NIPBL: variants seen among roughly 807,000 people sequenced by gnomAD.
The protein encoded by NIPBL is NIPBL cohesin loading factor.
A neutral mutation model predicts 321.8 loss-of-function variants in NIPBL; 19 were observed. The observed-to-expected ratio is 0.06, with a 90% CI of 0.04 to 0.09. The LOEUF is 0.09. NIPBL is among the 10% of genes least tolerant of loss of function. NIPBL has a pLI of 1.00. For synonymous variants in NIPBL, 1,106 were observed against 1,114.1 expected (o/e 0.99, Z 0.14); for missense variants, 2,210 against 3,327.0 (o/e 0.66, Z 8.26).
At chr5:37,013,002 T>A (rs1408925749) in intron 21 of NIPBL, among the ~76,000 whole-genome samples, 2 of 151,752 alleles carry the variant, frequency 1.3e-5, no homozygotes, top group African/African-American at 4.8e-5. Context: ...GACGGGGTGG[T>A]GGCCGGGCAG....
At chr5:36,943,478 C>CTAT in intron 1 of NIPBL, among the ~76,000 whole-genome samples, 1 of 151,910 alleles carries the variant, frequency 6.6e-6, no homozygotes, top group East Asian at 1.9e-4. Context: ...AGATTGAATG[C>CTAT]TATATCTATC....
chr5:36,936,849 A>G (rs1163453963), intron 1 of NIPBL, among the ~76,000 whole-genome samples: 1 of 152,116 alleles, frequency 6.6e-6, no homozygotes, highest in Non-Finnish European at 1.5e-5. Flanking sequence ...AAATGGAAAA[A>G]AAAAAAAGTA....
intron 18 of NIPBL, 119 bp from the exon 19 acceptor site, chr5:37,007,889 A>G (rs1322881530): frequency 6.9e-6 from 5 of 721,262 alleles, no homozygotes; most frequent in African/African-American, 3.5e-5. Context: ...GGTGGGGAAA[A>G]GAAAAAATGC....
intron 5 of NIPBL, 78 bp from the exon 6 acceptor site, chr5:36,962,045 T>A: frequency 6.6e-7 from 1 of 1,526,606 alleles, no homozygotes; most frequent in Admixed American, 1.7e-5. Context: ...ATCAGAGGAC[T>A]TTGTGACAGT....
chr5:36,940,196 T>G (rs1241918138), intron 1 of NIPBL, among the ~76,000 whole-genome samples: 2 of 152,166 alleles, frequency 1.3e-5, no homozygotes, highest in Non-Finnish European at 1.5e-5. Context: ...TAATTTCAGG[T>G]TAATATTTTT....
At chr5:37,058,715 T>A (rs1243547993) in intron 43 of NIPBL, among the ~76,000 whole-genome samples, 176 bp from the exon 44 acceptor site, 1 of 152,220 alleles carries the variant, frequency 6.6e-6, no homozygotes, top group East Asian at 1.9e-4. Context: ...TTATATATAA[T>A]TTTATTTAGT....
intron 1 of NIPBL, among the ~76,000 whole-genome samples, chr5:36,926,398 C>G (rs1749364325): frequency 2.0e-5 from 3 of 152,118 alleles, no homozygotes; most frequent in Admixed American, 2.0e-4. Context: ...CAGAATAGTT[C>G]CAGATGGCTT....
At chr5:36,959,895 AT>A (rs902249976) in intron 4 of NIPBL, among the ~76,000 whole-genome samples, 129 of 148,134 alleles carry the variant, frequency 8.7e-4, no homozygotes, top group Middle Eastern at 3.4e-3. Context: ...ATTGCATGTT[AT>A]TTTTTTTTTT....
Position 36,931,640 on chromosome 5 carries a change from T to A in NIPBL, c.-79-21978T>A, listed in dbSNP as rs531273775. On this transcript the variant is annotated intron_variant, in intron 1 of 46. Coordinates refer to ENST00000282516, the MANE Select transcript of NIPBL (RefSeq NM_133433.4). ...CCTTCCCTTTTAATTTCTAAAGTATTGGTAGTGATTTCCTCTCCTTCATTT... is the reference window on the plus strand; with the variant it reads ...CCTTCCCTTTTAATTTCTAAAGTATAGGTAGTGATTTCCTCTCCTTCATTT... Among the ~76,000 whole-genome samples the A allele has an allele frequency of 4.6e-5, 7 of 152,278 alleles. No individual in the cohort carries two copies. The South Asian group carries it at 1.5e-3, about 32-fold the overall frequency.
rs755707613 is a variant in NIPBL at position 37,052,579 on chromosome 5, A to C, written c.7263+13A>C. ...TGATGACACAGCAGTAAGCACAAAAACTTATTATTTTAAGAAAATAAGTGC... is the reference window on the plus strand; with the variant it reads ...TGATGACACAGCAGTAAGCACAAAACCTTATTATTTTAAGAAAATAAGTGC... On this transcript the variant is annotated intron_variant, in intron 42 of 46. Coordinates refer to ENST00000282516, the MANE Select transcript of NIPBL (RefSeq NM_133433.4). 2 of 1,607,996 alleles carry C rather than the reference A, an allele frequency of 1.2e-6. No individual in the cohort carries two copies. The highest frequency in any genetic ancestry group is 4.5e-5 in the East Asian group (2 of 44,852).
chr5:36,979,833 A>G (rs184882130), intron 9 of NIPBL, among the ~76,000 whole-genome samples: 1 of 151,888 alleles, frequency 6.6e-6, no homozygotes, highest in East Asian at 1.9e-4. Context: ...GAATCTTAGG[A>G]TAGCCAGTTT....
chr5:36,952,047 T>TGCGC (rs1306931484), intron 1 of NIPBL, among the ~76,000 whole-genome samples: 5 of 115,984 alleles, frequency 4.3e-5, no homozygotes, highest in Non-Finnish European at 5.8e-5. Flanking sequence ...TGTGTGTGTG[T>TGCGC]GTGTGTGCGC....
At chr5:37,061,811 AT>A (rs960276243) in intron 45 of NIPBL, among the ~76,000 whole-genome samples, 10 of 151,984 alleles carry the variant, frequency 6.6e-5, no homozygotes, top group African/African-American at 2.4e-4. Flanking sequence ...GTTATACTGC[AT>A]TTTTTTTAAG....
intron 32 of NIPBL, among the ~76,000 whole-genome samples, chr5:37,031,699 A>T (rs947667974): frequency 6.6e-6 from 1 of 152,236 alleles, no homozygotes; most frequent in Non-Finnish European, 1.5e-5. Flanking sequence ...AAAATATTTT[A>T]TCTCTATCAA....
intron 1 of NIPBL, among the ~76,000 whole-genome samples, chr5:36,905,284 C>A (rs1006692300): frequency 6.6e-6 from 1 of 152,118 alleles, no homozygotes; most frequent in African/African-American, 2.4e-5. Context: ...TTCATCTCTT[C>A]CTATGTATTT....
Position 37,064,843 on chromosome 5 carries a change from T to C in NIPBL, c.8366T>C (p.Val2789Ala). Reference sequence around the variant, plus strand: ...GCTAATAAGCTGACTAATAAAGTTGTTCAGACTTTACGATCCCTGTATGCC... The same window carrying C: ...GCTAATAAGCTGACTAATAAAGTTGCTCAGACTTTACGATCCCTGTATGCC... Reference protein sequence around the residue: ...TSANKLTNKVVQTLRSLYAAK... With the variant: ...TSANKLTNKVAQTLRSLYAAK... The change falls in exon 47 of 47, where the codon GTT (valine) becomes GCT (alanine). Residue 2789 changes from valine (V) to alanine (A), a missense_variant. Coordinates refer to ENST00000282516, the MANE Select transcript of NIPBL (RefSeq NM_133433.4). 1 of 1,614,208 alleles carries C rather than the reference T, an allele frequency of 6.2e-7. No homozygotes were observed. Among genetic ancestry groups the C allele is most frequent in the Non-Finnish European group, 8.5e-7 (1 of 1,180,010 alleles).
At chr5:37,042,851 A>G (rs1194993088) in intron 34 of NIPBL, among the ~76,000 whole-genome samples, 1 of 151,852 alleles carries the variant, frequency 6.6e-6, no homozygotes, top group African/African-American at 2.4e-5. Flanking sequence ...AGGAAAAAAA[A>G]AAACTAGATT....
At chr5:37,042,650 C>G (rs371729689) in intron 34 of NIPBL, among the ~76,000 whole-genome samples, 1 of 151,662 alleles carries the variant, frequency 6.6e-6, no homozygotes. Flanking sequence ...ATTAGCCAGG[C>G]GTGGTGGCAG....
chr5:36,941,338 C>A (rs1466655836), intron 1 of NIPBL, among the ~76,000 whole-genome samples: 1 of 151,656 alleles, frequency 6.6e-6, no homozygotes, highest in East Asian at 1.9e-4. Context: ...TTCTATACCC[C>A]CCAATTTTAC....
Sources: allele counts gnomAD v4.1 joint callset (sites outside exome capture counted in the v4.1 genomes callset), GRCh38; gene constraint gnomAD v4.1.1; transcripts MANE v1.5; gene names NCBI Gene and HGNC (gene_info 2026-07-23, HGNC 2026-07-21).